The following DPF3 variants were observed in gnomAD, a reference collection of about 807,000 sequenced individuals.
The protein encoded by DPF3 is double PHD fingers 3.
Under a neutral mutation model 56.8 loss-of-function variants are expected in DPF3, and 18 were observed. That is an observed-to-expected ratio of 0.32 (90% CI 0.22 to 0.47). The LOEUF is 0.47. Among genes scored for constraint, DPF3 ranks in the 20% least tolerant of loss-of-function variants. The probability of loss-of-function intolerance (pLI) is 1.00; values close to 1 mark genes in which losing one functional copy is unlikely to be tolerated. For missense variants in DPF3, 403 were observed against 488.8 expected (o/e 0.82, Z 1.65); for synonymous variants, 188 against 180.2 (o/e 1.04, Z -0.35).
chr14:72,609,126 A>G lies in DPF3; in HGVS notation c.*10171T>C, dbSNP rs939447037. ...AGTCAACATTGCTAACCAATCACAG[A>G]ACAAGATACTAACCACAGCAAGGAA... On this transcript the variant is annotated 3_prime_UTR_variant, in exon 11 of 11. Coordinates refer to ENST00000556509, the MANE Select transcript of DPF3 (RefSeq NM_001280542.3). Among the ~76,000 whole-genome samples the G allele has an allele frequency of 6.6e-6, 1 of 152,216 alleles. No homozygotes were observed. The highest frequency in any genetic ancestry group is 6.5e-5 in the Admixed American group (1 of 15,286).
At chr14:72,727,557 CG>C (rs2139848341) in intron 4 of DPF3, among the ~76,000 whole-genome samples, 1 of 148,614 alleles carries the variant, frequency 6.7e-6, no homozygotes, top group East Asian at 2.0e-4. Context: ...GCCTGGGTGA[CG>C]AGGCGAGACT....
At chr14:72,667,985 C>T (rs538352841) in intron 8 of DPF3, among the ~76,000 whole-genome samples, 40 of 152,290 alleles carry the variant, frequency 2.6e-4, no homozygotes, top group African/African-American at 7.0e-4. Flanking sequence ...TATTACTAAC[C>T]TCAGTTTCCG....
At chr14:72,645,065 A>G (rs1240980560) in intron 8 of DPF3, among the ~76,000 whole-genome samples, 3 of 152,228 alleles carry the variant, frequency 2.0e-5, no homozygotes, top group African/African-American at 7.2e-5. Flanking sequence ...TCCCTGAGCT[A>G]GGCACTATTA....
intron 8 of DPF3, among the ~76,000 whole-genome samples, chr14:72,633,204 G>A (rs1490062315): frequency 6.6e-6 from 1 of 152,178 alleles, no homozygotes; most frequent in Non-Finnish European, 1.5e-5. Flanking sequence ...ACCACATAGA[G>A]GAAGAGGATT....
At chr14:72,677,842 C>T (rs1886981240) in intron 7 of DPF3, among the ~76,000 whole-genome samples, 1 of 152,098 alleles carries the variant, frequency 6.6e-6, no homozygotes, top group Non-Finnish European at 1.5e-5. Context: ...AATACTGTAC[C>T]CCTCCTGTGG....
rs56335418 is a variant in DPF3 at position 72,663,166 on chromosome 14, C to CAAAAAAAAAAAAAAAA, written c.871+11058_871+11073dup. Among the ~76,000 whole-genome samples, 105 of 88,496 alleles carry CAAAAAAAAAAAAAAAA rather than the reference C, an allele frequency of 1.2e-3. 1 individual carries two copies. The highest frequency in any genetic ancestry group is 4.5e-3 in the African/African-American group (100 of 22,212). The allele number at this position is 88,496 out of a possible 152,430, so 58.1% of individuals were successfully genotyped here. On this transcript the variant is annotated intron_variant, in intron 8 of 10. Transcript: ENST00000556509. Reference sequence around the variant, plus strand: ...TGTAGCAGGCAGAACTGGGTGTTAGCAAAAAAAAAAAAAAAAAATTCCCCT... The same window carrying CAAAAAAAAAAAAAAAA: ...TGTAGCAGGCAGAACTGGGTGTTAGCAAAAAAAAAAAAAAAAAAAAAAAAAAAAAAAAAATTCCCCT...
intron 1 of DPF3, among the ~76,000 whole-genome samples, chr14:72,809,830 G>A (rs537053401): frequency 5.3e-4 from 80 of 152,338 alleles, no homozygotes; most frequent in Non-Finnish European, 5.9e-5. Context: ...CTGTGGATGA[G>A]AGGGTGGAAC....
At chr14:72,660,329 T>C (rs117512166) in intron 8 of DPF3, among the ~76,000 whole-genome samples, 1,685 of 152,266 alleles carry the variant, frequency 0.011, 13 homozygotes, top group South Asian at 0.017. Flanking sequence ...CATAACGTGA[T>C]ATTCAGTCTA....
At chr14:72,828,033 C>T (rs1262687308) in intron 1 of DPF3, among the ~76,000 whole-genome samples, 1 of 152,094 alleles carries the variant, frequency 6.6e-6, no homozygotes, top group Non-Finnish European at 1.5e-5. Flanking sequence ...TAATGAATAC[C>T]TTGCTTTGCA....
intron 1 of DPF3, among the ~76,000 whole-genome samples, chr14:72,884,953 T>TATATATATATATATATATATATACATAC: frequency 1.4e-5 from 1 of 73,780 alleles, no homozygotes; most frequent in East Asian, 7.2e-4. Context: ...TATATATATA[T>TATATATATATATATATATATATACATAC]ATATATATAT....
At chr14:72,883,666 G>A (rs148210703) in intron 1 of DPF3, among the ~76,000 whole-genome samples, 5 of 152,208 alleles carry the variant, frequency 3.3e-5, no homozygotes, top group Admixed American at 6.5e-5. Flanking sequence ...GGTGGCTTAC[G>A]CCTGTAATCC....
At chr14:72,753,836 A>G (rs1243764744) in intron 2 of DPF3, among the ~76,000 whole-genome samples, 1 of 151,868 alleles carries the variant, frequency 6.6e-6, no homozygotes, top group Non-Finnish European at 1.5e-5. Flanking sequence ...AGAACCAAAA[A>G]CACTAGATCT....
At chr14:72,748,517 C>T (rs919608066) in intron 3 of DPF3, among the ~76,000 whole-genome samples, 4 of 152,104 alleles carry the variant, frequency 2.6e-5, no homozygotes, top group Non-Finnish European at 5.9e-5. Context: ...AAGCTGGCTA[C>T]AGAAATTTGC....
chr14:72,829,580 T>C (rs1261425358), intron 1 of DPF3, among the ~76,000 whole-genome samples: 1 of 151,708 alleles, frequency 6.6e-6, no homozygotes, highest in Admixed American at 6.6e-5. Flanking sequence ...GAGACAGGGT[T>C]TCACCATGTT....
intron 3 of DPF3, among the ~76,000 whole-genome samples, chr14:72,752,846 G>T (rs1224629607): frequency 1.3e-5 from 2 of 152,160 alleles, no homozygotes; most frequent in African/African-American, 4.8e-5. Flanking sequence ...CTCATACAGG[G>T]TAAGGGGTAG....
At chr14:72,677,852 G>A (rs745437050) in intron 7 of DPF3, among the ~76,000 whole-genome samples, 12 of 152,122 alleles carry the variant, frequency 7.9e-5, no homozygotes, top group Admixed American at 3.9e-4. Context: ...CCCTCCTGTG[G>A]GAGGCGAGAC....
At chr14:72,780,462 T>A (rs1307009357) in intron 1 of DPF3, among the ~76,000 whole-genome samples, 1 of 152,214 alleles carries the variant, frequency 6.6e-6, no homozygotes, top group Non-Finnish European at 1.5e-5. Context: ...TGTAGAAGCA[T>A]GTGATAGATA....
chr14:72,701,159 T>A (rs1379880022), intron 6 of DPF3, among the ~76,000 whole-genome samples: 1 of 152,192 alleles, frequency 6.6e-6, no homozygotes, highest in Non-Finnish European at 1.5e-5. Flanking sequence ...CACTCCAGTC[T>A]CCTTCCCCGG....
At chr14:72,638,818 C>CTTTTTTT (rs1430367532) in intron 8 of DPF3, among the ~76,000 whole-genome samples, 1 of 116,048 alleles carries the variant, frequency 8.6e-6, no homozygotes, top group Non-Finnish European at 1.8e-5. Context: ...CTTTGTTTTA[C>CTTTTTTT]ATTTTTTTTT....
Sources: allele counts gnomAD v4.1 joint callset (sites outside exome capture counted in the v4.1 genomes callset), GRCh38; gene constraint gnomAD v4.1.1; transcripts MANE v1.5; gene names NCBI Gene and HGNC (gene_info 2026-07-23, HGNC 2026-07-21).